Variants in SCAMP1 observed in about 807,000 individuals in gnomAD.
SCAMP1 encodes the protein secretory carrier membrane protein 1.
A neutral mutation model predicts 41.8 loss-of-function variants in SCAMP1; 15 were observed. The ratio of observed to expected loss-of-function variants is 0.36; its 90% CI spans 0.24 to 0.55. SCAMP1 has a LOEUF of 0.55. Among genes scored for constraint, SCAMP1 ranks in the 20% least tolerant of loss-of-function variants. The probability of loss-of-function intolerance (pLI) is 0.86; values close to 1 mark genes in which losing one functional copy is unlikely to be tolerated. For missense variants in SCAMP1, 341 were observed against 412.6 expected, an observed-to-expected ratio of 0.83 and a Z score of 1.50; for synonymous variants, 135 against 136.8, an observed-to-expected ratio of 0.99 and a Z score of 0.09.
At chr5:78,468,795 C>T (rs991548171) in intron 8 of SCAMP1, among the ~76,000 whole-genome samples, 1 of 152,104 alleles carries the variant, frequency 6.6e-6, no homozygotes, top group Non-Finnish European at 1.5e-5. Context: ...TGATAGAGAA[C>T]ACTGTGATTA....
chr5:78,422,105 C>T, intron 6 of SCAMP1, 145 bp downstream of exon 6: 1 of 621,286 alleles, frequency 1.6e-6, no homozygotes, highest in Non-Finnish European at 2.7e-6. Flanking sequence ...TTCAATATAG[C>T]ATGCCTGTGT....
chr5:78,364,216 A>G (rs1485643804), intron 1 of SCAMP1, among the ~76,000 whole-genome samples: 2 of 152,222 alleles, frequency 1.3e-5, no homozygotes, highest in Admixed American at 6.5e-5. Context: ...AGCAGAGGTC[A>G]GCAATATAGG....
intron 8 of SCAMP1, among the ~76,000 whole-genome samples, chr5:78,460,746 T>C (rs11956634): frequency 0.65 from 50,938 of 78,604 alleles, 12,340 homozygotes; most frequent in Non-Finnish European, 0.68. Flanking sequence ...TCTTTTCTCC[T>C]TCCTTCCTTC....
chr5:78,378,977 C>T (rs1292822092), intron 1 of SCAMP1, among the ~76,000 whole-genome samples: 1 of 152,124 alleles, frequency 6.6e-6, no homozygotes. Context: ...GACCGCAATG[C>T]GTGCTGAAGT....
intron 6 of SCAMP1, among the ~76,000 whole-genome samples, chr5:78,425,458 T>C (rs913218466): frequency 6.6e-6 from 1 of 152,218 alleles, no homozygotes; most frequent in Non-Finnish European, 1.5e-5. Flanking sequence ...TTTTCATATA[T>C]ATTTGTACTC....
At chr5:78,423,418 C>G (rs540291330) in intron 6 of SCAMP1, among the ~76,000 whole-genome samples, 18 of 152,210 alleles carry the variant, frequency 1.2e-4, no homozygotes, top group African/African-American at 4.1e-4. Context: ...AAGGCTTTTT[C>G]TGTTTTTTGT....
At chr5:78,448,825 A>AC (rs990975501) in intron 6 of SCAMP1, among the ~76,000 whole-genome samples, 3 of 151,706 alleles carry the variant, frequency 2.0e-5, no homozygotes, top group Admixed American at 6.6e-5. Context: ...ACGTGGAGAA[A>AC]CCCCCTCTCT....
intron 1 of SCAMP1, among the ~76,000 whole-genome samples, chr5:78,363,112 T>C (rs536464318): frequency 1.3e-5 from 2 of 152,140 alleles, no homozygotes; most frequent in South Asian, 4.2e-4. Flanking sequence ...CAGGCTGGTC[T>C]TGAACTCCTG....
At chr5:78,373,683 A>G (rs1184842569) in intron 1 of SCAMP1, among the ~76,000 whole-genome samples, 1 of 152,170 alleles carries the variant, frequency 6.6e-6, no homozygotes, top group African/African-American at 2.4e-5. Flanking sequence ...GTTTTCATGT[A>G]GTTCCTATAG....
At chr5:78,363,679 G>A (rs189934986) in intron 1 of SCAMP1, among the ~76,000 whole-genome samples, 23 of 152,030 alleles carry the variant, frequency 1.5e-4, no homozygotes, top group African/African-American at 5.3e-4. Context: ...TTTATGTTAG[G>A]AATACTTCTG....
intron 7 of SCAMP1, among the ~76,000 whole-genome samples, chr5:78,454,785 C>A (rs527603227): frequency 2.0e-5 from 3 of 152,132 alleles, no homozygotes; most frequent in Non-Finnish European, 4.4e-5. Context: ...TACCTCTGAT[C>A]GAATTCGGCT....
intron 2 of SCAMP1, among the ~76,000 whole-genome samples, chr5:78,410,335 T>C (rs1336499999): frequency 6.6e-6 from 1 of 152,004 alleles, no homozygotes; most frequent in African/African-American, 2.4e-5. Flanking sequence ...TGTGTGTTTT[T>C]CCCCACCATG....
chr5:78,390,486 G>A (rs1392231606), intron 2 of SCAMP1, among the ~76,000 whole-genome samples: 3 of 152,144 alleles, frequency 2.0e-5, no homozygotes, highest in Non-Finnish European at 4.4e-5. Context: ...AATTAGTGCT[G>A]TGAATATGTG....
chr5:78,472,547 C>T (rs1301724851), intron 8 of SCAMP1, among the ~76,000 whole-genome samples: 2 of 151,800 alleles, frequency 1.3e-5, no homozygotes, highest in Non-Finnish European at 2.9e-5. Flanking sequence ...TGATGATTAG[C>T]CTGTCATCTT....
intron 4 of SCAMP1, 138 bp downstream of exon 4, chr5:78,416,787 G>T: frequency 1.6e-6 from 1 of 609,294 alleles, no homozygotes; most frequent in Non-Finnish European, 2.9e-6. Flanking sequence ...AGACACAGCA[G>T]ATTGCCTGTT....
chr5:78,372,200 G>T (rs1353926477), intron 1 of SCAMP1, among the ~76,000 whole-genome samples: 1 of 152,186 alleles, frequency 6.6e-6, no homozygotes, highest in African/African-American at 2.4e-5. Context: ...ATGGTGGTTA[G>T]AATTCTTATA....
chr5:78,426,669 T>C (rs1417713823), intron 6 of SCAMP1, among the ~76,000 whole-genome samples: 2 of 152,214 alleles, frequency 1.3e-5, no homozygotes, highest in Non-Finnish European at 2.9e-5. Flanking sequence ...CAATCAGTTT[T>C]AGAACTTTTC....
At chr5:78,360,769 C>G in intron 1 of SCAMP1, 41 bp downstream of exon 1, 1 of 1,572,166 alleles carries the variant, frequency 6.4e-7, no homozygotes. Flanking sequence ...CGCGACGCGT[C>G]GTTGTTTGTG....
intron 1 of SCAMP1, among the ~76,000 whole-genome samples, chr5:78,384,174 TTTTTTC>T (rs1751282913): frequency 1.2e-5 from 1 of 86,174 alleles, no homozygotes; most frequent in African/African-American, 3.3e-5. Context: ...TTCCCAAGTT[TTTTTTC>T]TTTTTTTTTT....
Sources: gnomAD v4.1 joint callset for allele counts (sites outside exome capture counted in the v4.1 genomes callset) on GRCh38, gnomAD v4.1.1 for gene constraint, MANE v1.5 for transcripts, NCBI Gene and HGNC (gene_info 2026-07-23, HGNC 2026-07-21) for gene names.